Variants in SUGCT observed in about 807,000 individuals in gnomAD.
The protein encoded by SUGCT is succinyl-CoA:glutarate CoA-transferase.
A neutral mutation model predicts 55.0 loss-of-function variants in SUGCT; 41 were observed. The observed-to-expected ratio is 0.74, with a 90% CI of 0.58 to 0.97. The LOEUF (loss-of-function observed/expected upper bound fraction) is 0.97, where lower values mean the gene tolerates loss of function less well. Among genes scored for constraint, SUGCT ranks in the 50% least tolerant of loss-of-function variants. The pLI, the probability that SUGCT is intolerant of heterozygous loss-of-function variation, is 0.00. For missense variants in SUGCT, 568 were observed against 547.8 expected (o/e 1.04, Z -0.37); for synonymous variants, 187 against 200.4 (o/e 0.93, Z 0.56).
At chr7:40,912,720 CACAGTAGTCTGTGTTCTGAAAGACT>C in the SUGCT span, among the ~76,000 whole-genome samples, 1 of 143,610 alleles carries the variant, frequency 7.0e-6, no homozygotes, top group African/African-American at 2.6e-5. Context: ...TACTACATGA[CACAGTAGTCTGTGTTCTGAAAGACT>C]ACATGTTCAG....
intron 1 of SUGCT, among the ~76,000 whole-genome samples, chr7:40,161,842 T>TA (rs1295413892): frequency 2.6e-5 from 4 of 152,206 alleles, no homozygotes; most frequent in Admixed American, 1.3e-4. Flanking sequence ...GGTTGATTTA[T>TA]AAAATCTATA....
At chr7:40,449,399 A>G (rs779490541) in intron 10 of SUGCT, 41 bp downstream of exon 10, 1 of 1,504,670 alleles carries the variant, frequency 6.6e-7, no homozygotes, top group East Asian at 2.3e-5. Context: ...ATTTTGTACA[A>G]AGCCAGGGAA....
chr7:40,242,934 T>TATATATATATATATATA (rs1491495282), intron 7 of SUGCT, among the ~76,000 whole-genome samples: 70 of 17,948 alleles, frequency 3.9e-3, no homozygotes, highest in East Asian at 0.012. Flanking sequence ...TATATATATA[T>TATATATATATATATATA]TTTTTTTTTT....
intron 12 of SUGCT, among the ~76,000 whole-genome samples, chr7:40,584,103 T>C (rs983209559): frequency 6.6e-6 from 1 of 152,196 alleles, no homozygotes; most frequent in Non-Finnish European, 1.5e-5. Context: ...TTAGGAATTG[T>C]TTTTTGAGCA....
intron 13 of SUGCT, among the ~76,000 whole-genome samples, chr7:40,829,178 T>C (rs1361458062): frequency 6.6e-6 from 1 of 152,120 alleles, no homozygotes; most frequent in Non-Finnish European, 1.5e-5. Context: ...CCACCCCTTT[T>C]CTAGAAAATT....
chr7:40,248,888 G>GCACACACA (rs34780979), intron 7 of SUGCT, among the ~76,000 whole-genome samples: 5,033 of 135,446 alleles, frequency 0.037, 121 homozygotes, highest in Middle Eastern at 0.074. Context: ...GCGCGCGCTC[G>GCACACACA]CACACACACA....
intron 6 of SUGCT, among the ~76,000 whole-genome samples, chr7:40,235,402 A>G (rs1251561266): frequency 6.6e-6 from 1 of 152,176 alleles, no homozygotes; most frequent in Non-Finnish European, 1.5e-5. Flanking sequence ...AACTTGGCTC[A>G]CTGCAACCTC....
intron 12 of SUGCT, among the ~76,000 whole-genome samples, chr7:40,632,695 T>A (rs11976879): frequency 2.0e-5 from 3 of 152,046 alleles, no homozygotes; most frequent in South Asian, 4.2e-4. Flanking sequence ...AAGATTTGAA[T>A]GTCAAGTATA....
At chr7:40,720,131 T>A (rs1203735) in intron 12 of SUGCT, among the ~76,000 whole-genome samples, 20,980 of 151,950 alleles carry the variant, frequency 0.14, 4,002 homozygotes, top group African/African-American at 0.43. Context: ...TAGATTCTAG[T>A]CCCCCCACTG....
chr7:40,996,369 G>T, the SUGCT span, among the ~76,000 whole-genome samples: 2 of 152,170 alleles, frequency 1.3e-5, no homozygotes, highest in African/African-American at 4.8e-5. Flanking sequence ...TGGGCTGAGC[G>T]ATCTGGAATA....
rs999727714 is a variant in SUGCT, at chr7:40,456,310, A to G, written c.889-2791A>G. ...CAAAAGTGCTGGGATTATAGGCATG[A>G]GCCACCGCCCCTGGCTGCAACTAAA... On this transcript the variant is annotated intron_variant, in intron 10 of 13. Coordinates refer to ENST00000335693, the MANE Select transcript of SUGCT (RefSeq NM_001193313.2). 1.4e-4 allele frequency among the ~76,000 whole-genome samples: 21 copies of G among 152,280 alleles called. No individual in the cohort carries two copies. In the East Asian group the frequency reaches 3.7e-3, roughly 27 times the overall value.
At chr7:40,458,761 C>T (rs1303899984) in intron 10 of SUGCT, among the ~76,000 whole-genome samples, 1 of 152,098 alleles carries the variant, frequency 6.6e-6, no homozygotes, top group African/African-American at 2.4e-5. Flanking sequence ...CATCTCTCTC[C>T]CTATTTCCTC....
At chr7:40,921,582 A>G in the SUGCT span, among the ~76,000 whole-genome samples, 3 of 152,240 alleles carry the variant, frequency 2.0e-5, no homozygotes, top group African/African-American at 7.2e-5. Context: ...TCCTGGAGCT[A>G]GGTCAGGACT....
At chr7:40,625,117 C>T (rs1334353624) in intron 12 of SUGCT, among the ~76,000 whole-genome samples, 1 of 152,116 alleles carries the variant, frequency 6.6e-6, no homozygotes, top group African/African-American at 2.4e-5. Flanking sequence ...ATGCCATCCC[C>T]CAGATTTCTG....
At chr7:40,460,899 G>A (rs942198123) in intron 11 of SUGCT, among the ~76,000 whole-genome samples, 7 of 152,166 alleles carry the variant, frequency 4.6e-5, no homozygotes, top group Admixed American at 2.6e-4. Flanking sequence ...AGGAAGAGAC[G>A]GGGCAGGCGT....
chr7:40,532,526 CTGTGTGTGTGTGTGTG>C (rs3048827), intron 12 of SUGCT, among the ~76,000 whole-genome samples: 88 of 134,162 alleles, frequency 6.6e-4, no homozygotes, highest in African/African-American at 1.5e-3. Flanking sequence ...GCAAGTATGT[CTGTGTGTGTGTGTGTG>C]TGTGTGTGTG....
the SUGCT span, among the ~76,000 whole-genome samples, chr7:40,891,299 A>G: frequency 6.6e-6 from 1 of 152,224 alleles, no homozygotes; most frequent in Non-Finnish European, 1.5e-5. Context: ...ATCCAGATCT[A>G]CTAAGTCCAA....
chr7:40,902,486 A>C, the SUGCT span, among the ~76,000 whole-genome samples: 47 of 150,170 alleles, frequency 3.1e-4, no homozygotes, highest in Admixed American at 2.7e-3. Context: ...AGGCTGAGGC[A>C]GGAGAATCAC....
At chr7:41,007,414 A>G in the SUGCT span, among the ~76,000 whole-genome samples, 1 of 152,172 alleles carries the variant, frequency 6.6e-6, no homozygotes, top group East Asian at 1.9e-4. Flanking sequence ...AATGTAAACA[A>G]GGGGAGACCC....
Sources: allele counts gnomAD v4.1 joint callset (sites outside exome capture counted in the v4.1 genomes callset), GRCh38; gene constraint gnomAD v4.1.1; transcripts MANE v1.5; gene names NCBI Gene and HGNC (gene_info 2026-07-23, HGNC 2026-07-21).